Variants in GSDME observed in about 807,000 individuals in gnomAD.
GSDME encodes gasdermin-E.
Under a neutral mutation model 47.5 loss-of-function variants are expected in GSDME, and 44 were observed. The ratio of observed to expected loss-of-function variants is 0.93; its 90% confidence interval spans 0.73 to 1.19. GSDME has a LOEUF of 1.19. Among genes scored for constraint, GSDME ranks in the 50% most tolerant of loss-of-function variants. GSDME has a pLI of 0.00. For synonymous variants in GSDME, 258 were observed against 252.8 expected, an observed-to-expected ratio of 1.02 and a Z score of -0.20; for missense variants, 663 against 604.2, an observed-to-expected ratio of 1.10 and a Z score of -1.02.
At chr7:24,774,519 T>A in the GSDME span, among the ~76,000 whole-genome samples, 23,609 of 151,442 alleles carry the variant, frequency 0.16, 2,007 homozygotes, top group Middle Eastern at 0.2. Context: ...TTAAAAAAAA[T>A]TTTTTTAAAT....
At chr7:24,708,023 G>A in intron 7 of GSDME, 104 bp downstream of exon 7, 1 of 1,429,066 alleles carries the variant, frequency 7.0e-7, no homozygotes, top group South Asian at 1.2e-5. Flanking sequence ...CAGCTGTAGG[G>A]AGAAAAGGAG....
At position 24,700,092 on chromosome 7, in the gene GSDME, G is replaced by GAACTC. The variant is rs149060666; in HGVS notation, c.1258-838_1258-834dup. Among the ~76,000 whole-genome samples, 1,280 of 152,124 alleles carry GAACTC rather than the reference G, an allele frequency of 8.4e-3. 16 individuals carry two copies. The highest frequency in any genetic ancestry group is 0.029 in the African/African-American group (1,191 of 41,508). On this transcript the variant is annotated intron_variant, in intron 9 of 9. Transcript: ENST00000645220. ...TTCCATCTAGCTACCCCCAGCCCCA[G>GAACTC]AACTCAGCCTTATGTTACTCCATTA...
chr7:24,730,103 C>T (rs1251937968), intron 3 of GSDME, among the ~76,000 whole-genome samples: 3 of 152,164 alleles, frequency 2.0e-5, no homozygotes, highest in African/African-American at 7.2e-5. Context: ...CCTCACCCAC[C>T]AGCTCACTGG....
chr7:24,723,500 C>G (rs943166954), intron 3 of GSDME, among the ~76,000 whole-genome samples: 1 of 152,172 alleles, frequency 6.6e-6, no homozygotes, highest in Non-Finnish European at 1.5e-5. Flanking sequence ...TACTGTATAA[C>G]CTTATATATT....
chr7:24,706,200 C>A lies in GSDME; in HGVS notation c.1167G>T (p.Leu389Phe). 1 of 1,614,232 alleles carries A rather than the reference C, an allele frequency of 6.2e-7. No homozygotes were observed. The highest frequency in any genetic ancestry group is 1.1e-5 in the South Asian group (1 of 91,078). Residue 389 changes from leucine (L) to phenylalanine (F), a missense_variant, in exon 8 of 10, where the codon TTG (leucine) becomes TTT (phenylalanine). Coordinates refer to ENST00000645220, the MANE Select transcript of GSDME (RefSeq NM_001127453.2). ...TCTCCTTACCTGCGAGGGCACTGAC[C>A]AAGAAGTAGGCTGTCATAAACAGCT... ...SKQLFMTAYF[L>F]VSALAEMPDS...
intron 2 of GSDME, among the ~76,000 whole-genome samples, chr7:24,748,649 C>CT (rs1316936529): frequency 2.0e-5 from 3 of 152,154 alleles, no homozygotes; most frequent in Admixed American, 2.0e-4. Flanking sequence ...TGTCTGACTG[C>CT]TCTCAGCTTC....
chr7:24,767,617 A>AC, the GSDME span, among the ~76,000 whole-genome samples: 1 of 134,226 alleles, frequency 7.5e-6, no homozygotes, highest in Non-Finnish European at 1.6e-5. The surrounding 1 kb of genome is among the most constrained non-coding windows in gnomAD (Gnocchi z 5.3). Context: ...GAGTTGTAGA[A>AC]CCTTTTTTTT....
the GSDME span, among the ~76,000 whole-genome samples, chr7:24,764,069 A>G: frequency 6.6e-6 from 1 of 152,368 alleles, no homozygotes; most frequent in South Asian, 2.1e-4. This position sits in a 1 kb window ranked among gnomAD's most constrained non-coding sequence, Gnocchi z 4.4. Flanking sequence ...TTCATCTATA[A>G]CAATTTATTA....
At chr7:24,760,656 G>T (rs1791153093), upstream of GSDME, among the ~76,000 whole-genome samples, 1 of 151,948 alleles carries the variant, frequency 6.6e-6, no homozygotes, top group Non-Finnish European at 1.5e-5. The surrounding 1 kb of genome is among the most constrained non-coding windows in gnomAD (Gnocchi z 4.2). Flanking sequence ...TTACCATATT[G>T]ATTGCTTCCC....
At chr7:24,710,713 A>C in intron 5 of GSDME, 1 of 288,546 alleles carries the variant, frequency 3.5e-6, no homozygotes, top group Non-Finnish European at 6.6e-6. Flanking sequence ...TAAACAGACA[A>C]ATGAAACCTG....
At position 24,735,154 on chromosome 7, in the gene GSDME, C is replaced by G. The variant is rs1191646671; in HGVS notation, c.404+9408G>C. Among the ~76,000 whole-genome samples the G allele has an allele frequency of 6.6e-6, 1 of 152,058 alleles. No individual in the cohort carries two copies. The highest frequency in any genetic ancestry group is 1.5e-5 in the Non-Finnish European group (1 of 68,020). On this transcript the variant is annotated intron_variant, in intron 3 of 9. Coordinates refer to ENST00000645220, the MANE Select transcript of GSDME (RefSeq NM_001127453.2). The surrounding 1 kb of genome is among the most constrained non-coding windows in gnomAD (Gnocchi z 4.4). ...AGAGTGGCATGACATATCTAAAGTG[C>G]TGAAGGAAAAAAACGTTTACACTAG... is the stretch of plus-strand genomic sequence containing the variant.
intron 4 of GSDME, among the ~76,000 whole-genome samples, chr7:24,717,916 T>TTA (rs1217681770): frequency 6.6e-6 from 1 of 152,154 alleles, no homozygotes; most frequent in Non-Finnish European, 1.5e-5. Flanking sequence ...GCTCCTGCCT[T>TTA]TAAACACTCT....
At position 24,698,991 on chromosome 7, in the gene GSDME, G is replaced by T; in HGVS notation, c.*35C>A. On this transcript the variant is annotated 3_prime_UTR_variant, in exon 10 of 10. Coordinates refer to ENST00000645220, the MANE Select transcript of GSDME (RefSeq NM_001127453.2). ...TTTAACAGTTCTGAAAAATAGCCTTGGCCAGTAACACGTACTTCTAGTTCA... is the reference window on the plus strand; with the variant it reads ...TTTAACAGTTCTGAAAAATAGCCTTTGCCAGTAACACGTACTTCTAGTTCA... The T allele has an allele frequency of 1.4e-6, 2 of 1,422,590 alleles. No homozygotes were observed. Among genetic ancestry groups the T allele is most frequent in the Non-Finnish European group, 2.0e-6 (2 of 1,010,284 alleles). 88.1% of individuals were successfully genotyped at this position (1,422,590 alleles called of 1,614,324 possible). A position where few individuals can be genotyped will look rare whatever the true frequency, so the allele number is the denominator to read the frequency against.
rs1789055337 is a variant in GSDME at position 24,705,434 on chromosome 7, C to G, written c.1183+750G>C. 6.5e-6 allele frequency: 1 copy of G among 153,520 alleles called. No homozygotes were observed. Among genetic ancestry groups the G allele is most frequent in the Non-Finnish European group, 1.4e-5 (1 of 69,020 alleles). 9.5% of individuals were successfully genotyped at this position (153,520 alleles called of 1,614,324 possible). On this transcript the variant is annotated intron_variant, in intron 8 of 9. Transcript: ENST00000645220. This position sits in a 1 kb window ranked among gnomAD's most constrained non-coding sequence, Gnocchi z 4.1. ...TTCTGTGTGGTGCTAGGGAGGAACC[C>G]TGAATGTATCAGAAACTATGTGTCC...
the GSDME span, among the ~76,000 whole-genome samples, chr7:24,793,965 G>A: frequency 6.6e-6 from 1 of 152,192 alleles, no homozygotes; most frequent in Non-Finnish European, 1.5e-5. Flanking sequence ...GAAGGCTACG[G>A]GTTGTCAGTG....
intron 8 of GSDME, 181 bp downstream of exon 8, chr7:24,706,003 C>G (rs372219427): frequency 2.7e-6 from 2 of 727,436 alleles, no homozygotes. Flanking sequence ...GGCACAGACT[C>G]GAGACCGAAG....
the GSDME span, among the ~76,000 whole-genome samples, chr7:24,787,738 G>A: frequency 6.6e-6 from 1 of 151,800 alleles, no homozygotes; most frequent in Admixed American, 6.6e-5. This position sits in a 1 kb window ranked among gnomAD's most constrained non-coding sequence, Gnocchi z 5.0. Flanking sequence ...ACAGAGTCTC[G>A]CTCTGTCGCC....
the GSDME span, among the ~76,000 whole-genome samples, chr7:24,772,784 G>A: frequency 6.6e-6 from 1 of 152,232 alleles, no homozygotes; most frequent in African/African-American, 2.4e-5. The surrounding 1 kb of genome is among the most constrained non-coding windows in gnomAD (Gnocchi z 4.5). Context: ...CAGAAATCTA[G>A]TTGTAGAACT....
chr7:24,719,575 T>G (rs1789699500), intron 3 of GSDME, among the ~76,000 whole-genome samples: 1 of 151,936 alleles, frequency 6.6e-6, no homozygotes, highest in Admixed American at 6.6e-5. Context: ...GGCAGATCAC[T>G]TGAGGTCAAG....
Sources: gnomAD v4.1 joint callset for allele counts (sites outside exome capture counted in the v4.1 genomes callset) on GRCh38, gnomAD v4.1.1 for gene constraint, Gnocchi (gnomAD v3.1) non-coding constraint, MANE v1.5 for transcripts, NCBI Gene and HGNC (gene_info 2026-07-23, HGNC 2026-07-21) for gene names.